The following DNAJC16 variants were observed in gnomAD, a reference collection of about 807,000 sequenced individuals.
DNAJC16 encodes DnaJ heat shock protein family (Hsp40) member C16.
Under a neutral mutation model 92.7 loss-of-function variants are expected in DNAJC16, and 76 were observed. The ratio of observed to expected loss-of-function variants is 0.82; its 90% CI spans 0.68 to 0.99. The LOEUF is 0.99. Ranked by LOEUF, DNAJC16 falls within the 50% of genes least tolerant of loss-of-function variation. The pLI is 0.00. For missense variants in DNAJC16, 869 were observed against 942.4 expected, an observed-to-expected ratio of 0.92 and a Z score of 1.02; for synonymous variants, 328 against 358.7, an observed-to-expected ratio of 0.91 and a Z score of 0.97.
rs150229389 is a variant in DNAJC16 at position 15,549,408 on chromosome 1, C to T, written c.1023+980C>T. On this transcript the variant is annotated intron_variant, in intron 7 of 14. Transcript: ENST00000375847. The stretch of plus-strand genomic sequence containing the variant: ...AGTCCTGAGTAGGGTAAGATCTTCC[C>T]GGCATAATACCGTAGTCTCCCCTGA... 1.9e-3 allele frequency among the ~76,000 whole-genome samples: 288 copies of T among 152,206 alleles called. 1 individual carries two copies. Among genetic ancestry groups the T allele is most frequent in the African/African-American group, 6.6e-3 (272 of 41,516 alleles).
At position 15,567,953 on chromosome 1, in the gene DNAJC16, T is replaced by A; in HGVS notation, c.2125T>A (p.Cys709Ser). 6.2e-7 allele frequency: 1 copy of A among 1,614,224 alleles called. No homozygotes were observed. The highest frequency in any genetic ancestry group is 1.1e-5 in the South Asian group (1 of 91,088). ...LALNGHKKYFCLFKPQKTVEE... is the reference protein window; with the variant it reads ...LALNGHKKYFSLFKPQKTVEE... ...TCTGAATGGCCACAAGAAATACTTCTGCCTCTTCAAGCCCCAAAAGACAGT... is the reference window on the plus strand; with the variant it reads ...TCTGAATGGCCACAAGAAATACTTCAGCCTCTTCAAGCCCCAAAAGACAGT... Residue 709 changes from cysteine to serine, a missense_variant, in exon 15 of 15, where the codon TGC (cysteine) becomes AGC (serine). By Grantham distance (112) the Cys-to-Ser change is moderately radical. Transcript: ENST00000375847.
In DNAJC16 at chr1:15,546,823, T is replaced by C. The variant is rs1638318587; in HGVS notation, c.816T>C (p.Pro272=). 1.2e-6 allele frequency: 2 copies of C among 1,613,908 alleles called. No homozygotes were observed. The highest frequency in any genetic ancestry group is 1.1e-5 in the South Asian group (1 of 91,030). The stretch of plus-strand genomic sequence containing the variant: ...CTGGCTGGCAGCAAGAGAATAAGCC[T>C]CATGTCCTTCTGTTTGACCAAACGC... ...FLSGWQQENK[P]HVLLFDQTPI... is the part of the protein sequence containing the mutation. The change falls in exon 6 of 15, where the codon CCT becomes CCC. Residue 272 remains proline, a synonymous_variant. Coordinates refer to ENST00000375847, the MANE Select transcript of DNAJC16 (RefSeq NM_015291.4).
chr1:15,534,873 C>T (rs558183588), intron 3 of DNAJC16, among the ~76,000 whole-genome samples: 7 of 152,164 alleles, frequency 4.6e-5, no homozygotes, highest in Non-Finnish European at 5.9e-5. Flanking sequence ...TCACTATTGC[C>T]TTCTTAGAAA....
intron 4 of DNAJC16, among the ~76,000 whole-genome samples, chr1:15,541,031 C>T (rs574382233): frequency 5.9e-5 from 9 of 152,238 alleles, no homozygotes; most frequent in African/African-American, 2.2e-4. Context: ...AACCATGATG[C>T]CTCACCCTCC....
chr1:15,565,783 A>G (rs1638792616), intron 11 of DNAJC16, 136 bp from the exon 12 acceptor site: 1 of 780,812 alleles, frequency 1.3e-6, no homozygotes, highest in Non-Finnish European at 2.1e-6. Flanking sequence ...ACCCGCCAAG[A>G]AAAGCTCTGT....
intron 7 of DNAJC16, among the ~76,000 whole-genome samples, chr1:15,552,763 ATTAT>A (rs1638475284): frequency 7.1e-6 from 1 of 140,636 alleles, no homozygotes; most frequent in Admixed American, 7.2e-5. Context: ...TTTTATTATT[ATTAT>A]TTATTTTTTT....
chr1:15,534,405 C>A, intron 3 of DNAJC16, 102 bp downstream of exon 3: 3 of 1,168,130 alleles, frequency 2.6e-6, no homozygotes, highest in Non-Finnish European at 3.7e-6. Context: ...GTTCCCCATG[C>A]CCTTGATGCA....
intron 9 of DNAJC16, 127 bp downstream of exon 9, chr1:15,562,452 A>G: frequency 1.9e-6 from 2 of 1,047,064 alleles, no homozygotes; most frequent in Non-Finnish European, 2.6e-6. Flanking sequence ...GCCTATTTTC[A>G]AAGTCTACTC....
rs2103403997 is a variant in DNAJC16, at chr1:15,534,266, C to T, written c.197C>T (p.Ala66Val). ...WHPDKNKDPG[A>V]EDKFIQISKA... Reference sequence around the variant, plus strand: ...CCTGACAAAAACAAAGATCCTGGAGCAGAAGACAAGTTCATTCAAATCAGT... The same window carrying T: ...CCTGACAAAAACAAAGATCCTGGAGTAGAAGACAAGTTCATTCAAATCAGT... The change falls in exon 3 of 15, where the codon GCA becomes GTA. Residue 66 changes from alanine to valine, a missense_variant. Ala to Val is a moderately conservative substitution (Grantham distance 64). Coordinates refer to ENST00000375847, the MANE Select transcript of DNAJC16 (RefSeq NM_015291.4). The T allele has an allele frequency of 6.2e-7, 1 of 1,614,042 alleles. No individual in the cohort carries two copies. The highest frequency in any genetic ancestry group is 8.5e-7 in the Non-Finnish European group (1 of 1,179,976).
intron 7 of DNAJC16, among the ~76,000 whole-genome samples, chr1:15,553,425 G>C (rs1451220700): frequency 2.6e-5 from 4 of 151,490 alleles, no homozygotes; most frequent in Admixed American, 2.0e-4. Context: ...GTAGAGATGG[G>C]GTTTCACCAT....
At chr1:15,529,316 T>C in intron 2 of DNAJC16, 44 bp downstream of exon 2, 2 of 1,555,298 alleles carry the variant, frequency 1.3e-6, no homozygotes, top group South Asian at 2.4e-5. Flanking sequence ...AGCTAAACAG[T>C]CTTAGCAGGG....
At chr1:15,545,858 A>G (rs948457363) in intron 5 of DNAJC16, among the ~76,000 whole-genome samples, 2 of 152,236 alleles carry the variant, frequency 1.3e-5, no homozygotes, top group Admixed American at 6.5e-5. Context: ...GACTAAGAAA[A>G]ATTTCTAGCT....
Position 15,564,413 on chromosome 1 carries a change from G to A in DNAJC16, c.1598+54G>A, listed in dbSNP as rs530972634. 18 of 1,147,400 alleles carry A rather than the reference G, an allele frequency of 1.6e-5. No homozygotes were observed. In the African/African-American group the frequency reaches 2.0e-4, roughly 13 times the overall value. 71.1% of individuals were successfully genotyped at this position (1,147,400 alleles called of 1,614,324 possible). On this transcript the variant is annotated intron_variant, in intron 11 of 14. Coordinates refer to ENST00000375847, the MANE Select transcript of DNAJC16 (RefSeq NM_015291.4). ...TTTCTCTGTTAATACTGATATCACT[G>A]TTTTTCTTTTGAAAAGAGTTCATCA...
chr1:15,533,391 C>T (rs1015011872), intron 2 of DNAJC16, among the ~76,000 whole-genome samples: 56 of 152,312 alleles, frequency 3.7e-4, no homozygotes, highest in Middle Eastern at 6.8e-3. Flanking sequence ...CTTTTGGAGG[C>T]CGAGACAGGT....
In DNAJC16 at chr1:15,544,591, T is replaced by C. The variant is rs1311664962; in HGVS notation, c.759+8T>C. 2.5e-6 allele frequency: 4 copies of C among 1,613,774 alleles called. No individual in the cohort carries two copies. Among genetic ancestry groups the C allele is most frequent in the Non-Finnish European group, 3.4e-6 (4 of 1,179,784 alleles). ...GGGAACTTGGTGGAGAAAGTAAGTA[T>C]CTGTCAAGGAAACTATGGCTGAGAA... On this transcript the variant is annotated splice_region_variant and intron_variant, in intron 5 of 14. Coordinates refer to ENST00000375847, the MANE Select transcript of DNAJC16 (RefSeq NM_015291.4).
At chr1:15,546,149 G>T (rs984827418) in intron 5 of DNAJC16, among the ~76,000 whole-genome samples, 1 of 152,064 alleles carries the variant, frequency 6.6e-6, no homozygotes, top group Admixed American at 6.6e-5. Context: ...TACAAAAAAT[G>T]CAAACATTAG....
chr1:15,540,314 A>G (rs1265850562), intron 4 of DNAJC16, among the ~76,000 whole-genome samples: 2 of 152,160 alleles, frequency 1.3e-5, no homozygotes, highest in Non-Finnish European at 2.9e-5. Context: ...CGACAGAATG[A>G]GACTCCGTCT....
chr1:15,556,395 C>T (rs771880042), intron 7 of DNAJC16, among the ~76,000 whole-genome samples: 2 of 152,074 alleles, frequency 1.3e-5, no homozygotes, highest in Admixed American at 6.6e-5. Flanking sequence ...CACCGCAATG[C>T]CCCGCTAATT....
intron 4 of DNAJC16, among the ~76,000 whole-genome samples, chr1:15,543,027 G>A (rs955424510): frequency 6.6e-6 from 1 of 152,184 alleles, no homozygotes; most frequent in Non-Finnish European, 1.5e-5. Flanking sequence ...AACAATAAAT[G>A]AATTAAATAG....
Sources: allele counts gnomAD v4.1 joint callset (sites outside exome capture counted in the v4.1 genomes callset), GRCh38; gene constraint gnomAD v4.1.1; transcripts MANE v1.5; gene names NCBI Gene and HGNC (gene_info 2026-07-23, HGNC 2026-07-21).